The following ITGA10 variants were observed in gnomAD, a reference collection of about 807,000 sequenced individuals.
ITGA10 encodes integrin alpha-10.
Under a neutral mutation model 145.2 loss-of-function variants are expected in ITGA10, and 105 were observed. That is an observed-to-expected ratio of 0.72 (90% CI 0.62 to 0.85). The LOEUF (loss-of-function observed/expected upper bound fraction) is 0.85, where lower values mean the gene tolerates loss of function less well. ITGA10 is among the 40% of genes least tolerant of loss of function. The probability of loss-of-function intolerance (pLI) is 0.00; values close to 1 mark genes in which losing one functional copy is unlikely to be tolerated. For synonymous variants in ITGA10, 506 were observed against 557.8 expected, an observed-to-expected ratio of 0.91 and a Z score of 1.31; for missense variants, 1,317 against 1,444.5, an observed-to-expected ratio of 0.91 and a Z score of 1.43.
chr1:145,899,076 T>G lies in ITGA10; in HGVS notation c.2092A>C (p.Met698Leu). 6.2e-7 allele frequency: 1 copy of G among 1,614,200 alleles called. No individual in the cohort carries two copies. Among genetic ancestry groups the G allele is most frequent in the African/African-American group, 1.3e-5 (1 of 75,052 alleles). The change falls in exon 17 of 30, where the codon ATG becomes CTG. Residue 698 changes from methionine (M) to leucine (L), a missense_variant and splice_region_variant. Met to Leu is a conservative substitution (Grantham distance 15). Coordinates refer to ENST00000369304, the MANE Select transcript of ITGA10 (RefSeq NM_003637.5). The stretch of plus-strand genomic sequence containing the variant: ...TCATCCAGTGATGCGGTGAACCTCA[T>G]GTCTGAATGAAGGAGGCAAGAGTGA... Reference protein sequence around the residue: ...TPGRWDHQFYMRFTASLDEWT... With the variant: ...TPGRWDHQFYLRFTASLDEWT...
In ITGA10 at chr1:145,896,083, C is replaced by T; in HGVS notation, c.2933G>A (p.Gly978Asp). ...GATGAGGCCACTGACCACATAGCAG[C>T]CTAGGTTCTGAACCTAAGAGGAAGG... is the stretch of plus-strand genomic sequence containing the variant. ...FKTTLRVQNL[G>D]CYVVSGLIIS... Residue 978 changes from glycine (G) to aspartate (D), a missense_variant, in exon 25 of 30, where the codon GGC becomes GAC. By Grantham distance (94) the Gly-to-Asp change is moderately conservative. Transcript: ENST00000369304. 6.2e-7 allele frequency: 1 copy of T among 1,614,096 alleles called. No homozygotes were observed. Among genetic ancestry groups the T allele is most frequent in the South Asian group, 1.1e-5 (1 of 91,076 alleles).
In ITGA10 at chr1:145,901,769, G is replaced by A; in HGVS notation, c.1295-105C>T. 4 of 1,551,184 alleles carry A rather than the reference G, an allele frequency of 2.6e-6. No individual in the cohort carries two copies. Among genetic ancestry groups the A allele is most frequent in the South Asian group, 2.4e-5 (2 of 82,078 alleles). The stretch of plus-strand genomic sequence containing the variant: ...GAGGTCCCAAGGGAAGTAACCAGAG[G>A]TCAGTGAGAAACCGCATGAGTTAAG... On this transcript the variant is annotated intron_variant, in intron 11 of 29. Coordinates refer to ENST00000369304, the MANE Select transcript of ITGA10 (RefSeq NM_003637.5). The surrounding 1 kb of genome is among the most constrained non-coding windows in gnomAD (Gnocchi z 4.3).
intron 3 of ITGA10, 72 bp downstream of exon 3, chr1:145,906,969 G>C: frequency 1.6e-6 from 2 of 1,234,432 alleles, no homozygotes; most frequent in South Asian, 2.8e-5. Context: ...AAAAAGCTGA[G>C]GTATAGGGAG....
intron 22 of ITGA10, 23 bp from the exon 23 acceptor site, chr1:145,896,881 C>T: frequency 6.3e-7 from 1 of 1,590,230 alleles, no homozygotes; most frequent in Non-Finnish European, 8.6e-7. Flanking sequence ...AGGGGAGAGG[C>T]TCACATCTCA....
In ITGA10 at chr1:145,893,153, G is replaced by A. The variant is rs1654925711; in HGVS notation, c.3438+8C>T. 1 of 1,588,654 alleles carries A rather than the reference G, an allele frequency of 6.3e-7. No individual in the cohort carries two copies. Among genetic ancestry groups the A allele is most frequent in the Admixed American group, 1.7e-5 (1 of 59,952 alleles). On this transcript the variant is annotated splice_region_variant and intron_variant, in intron 29 of 29. Transcript: ENST00000369304. ...ATGCTCCACACTCCCCACTAAAGCA[G>A]TGCTTACCTTCCACAGGCAGAAGAC...
chr1:145,908,531 C>A (rs1359411514), intron 1 of ITGA10, among the ~76,000 whole-genome samples: 1 of 152,196 alleles, frequency 6.6e-6, no homozygotes, highest in Non-Finnish European at 1.5e-5. Context: ...CCTAGCTAAT[C>A]TTCCCTTTTG....
Position 145,901,057 on chromosome 1 carries a change from A to G in ITGA10, c.1588-64T>C. 1.9e-6 allele frequency: 3 copies of G among 1,613,028 alleles called. No homozygotes were observed. Among genetic ancestry groups the G allele is most frequent in the Non-Finnish European group, 2.5e-6 (3 of 1,179,186 alleles). On this transcript the variant is annotated intron_variant, in intron 13 of 29. Transcript: ENST00000369304. This position sits in a 1 kb window ranked among gnomAD's most constrained non-coding sequence, Gnocchi z 4.3. ...GACCCAACCTCTCAGCAAACCCTCAAATATGTGCACCTTCCCTCCTTTCCT... is the reference window on the plus strand; with the variant it reads ...GACCCAACCTCTCAGCAAACCCTCAGATATGTGCACCTTCCCTCCTTTCCT...
rs1553750187 is a variant in ITGA10 at position 145,904,062 on chromosome 1, T to C, written c.748A>G (p.Met250Val). 1.2e-6 allele frequency: 2 copies of C among 1,613,866 alleles called. No homozygotes were observed. Among genetic ancestry groups the C allele is most frequent in the Admixed American group, 1.7e-5 (1 of 59,994 alleles). ...GRETKTAQAI[M>V]VACTEGFSQS... ...TTCCCAATGCCTCACCAGGCCACCA[T>C]TATTGCTTGGGCAGTCTTTGTTTCT... is the stretch of plus-strand genomic sequence containing the variant. Residue 250 changes from methionine to valine, a missense_variant, in exon 7 of 30, where the codon ATG (methionine) becomes GTG (valine). Physicochemically the swap from Met to Val is conservative, Grantham distance 21. Transcript: ENST00000369304.
chr1:145,896,495 G>A (rs750432120), intron 23 of ITGA10, 143 bp from the exon 24 acceptor site: 1 of 725,974 alleles, frequency 1.4e-6, no homozygotes, highest in Non-Finnish European at 2.5e-6. Flanking sequence ...GAAGACAGAA[G>A]TAGAACATGA....
intron 6 of ITGA10, 110 bp from the exon 7 acceptor site, chr1:145,904,310 C>T (rs1656803765): frequency 9.9e-7 from 1 of 1,005,374 alleles, no homozygotes; most frequent in Non-Finnish European, 1.5e-6. Flanking sequence ...CTACTGAAGA[C>T]AACACCTACA....
chr1:145,899,393 G>C, intron 15 of ITGA10, 52 bp from the exon 16 acceptor site: 1 of 1,583,106 alleles, frequency 6.3e-7, no homozygotes, highest in Non-Finnish European at 8.6e-7. Flanking sequence ...AGCCCTCTGA[G>C]AAGTGCAAGC....
At chr1:145,894,671 CATATTA>C (rs1655138363) in intron 27 of ITGA10, among the ~76,000 whole-genome samples, 1 of 152,194 alleles carries the variant, frequency 6.6e-6, no homozygotes, top group Non-Finnish European at 1.5e-5. Flanking sequence ...CACTACCTGT[CATATTA>C]AGTTCAGTTT....
At chr1:145,909,330 C>T (rs995248872) in intron 1 of ITGA10, among the ~76,000 whole-genome samples, 31 of 150,370 alleles carry the variant, frequency 2.1e-4, no homozygotes, top group African/African-American at 7.1e-4. Context: ...CGTGGTGGCG[C>T]GTACCTAGTA....
intron 17 of ITGA10, 141 bp from the exon 18 acceptor site, chr1:145,898,364 T>A (rs587713664): frequency 1.8e-3 from 481 of 263,344 alleles, no homozygotes; most frequent in Middle Eastern, 5.2e-3. Context: ...TTAGTTAATT[T>A]ATTTATTTAT....
At chr1:145,904,658 G>A in intron 6 of ITGA10, 26 bp downstream of exon 6, 1 of 1,612,814 alleles carries the variant, frequency 6.2e-7, no homozygotes, top group Non-Finnish European at 8.5e-7. Context: ...AAGCAACTGT[G>A]CCCAGCTCAT....
chr1:145,904,292 C>T (rs1656802274), intron 6 of ITGA10, 92 bp from the exon 7 acceptor site: 1 of 1,228,128 alleles, frequency 8.1e-7, no homozygotes, highest in Non-Finnish European at 1.2e-6. Context: ...GAGATGAACA[C>T]CTGGATACTA....
rs782187244 is a variant in ITGA10 at position 145,895,731 on chromosome 1, G to C, written c.3034-20C>G. 43 of 1,612,560 alleles carry C rather than the reference G, an allele frequency of 2.7e-5. No individual in the cohort carries two copies. Among genetic ancestry groups the C allele is most frequent in the Non-Finnish European group, 3.6e-5 (43 of 1,178,772 alleles). The stretch of plus-strand genomic sequence containing the variant: ...GCTTGCCTAGAGGAAGATCCAACTT[G>C]AAAGACCCTCCTGATGGGGTGGCGC... On this transcript the variant is annotated intron_variant, in intron 25 of 29. Transcript: ENST00000369304.
chr1:145,899,262 G>T lies in ITGA10; in HGVS notation c.2002C>A (p.Arg668=), dbSNP rs36073645. The change falls in exon 16 of 30, where the codon CGG becomes AGG. Residue 668 remains arginine (R), a synonymous_variant. Coordinates refer to ENST00000369304, the MANE Select transcript of ITGA10 (RefSeq NM_003637.5). ...AGACAGACTGCCTCTTGGCCTCGCCGCCTACAGTCCCTCTGAACCACACTG... is the reference window on the plus strand; with the variant it reads ...AGACAGACTGCCTCTTGGCCTCGCCTCCTACAGTCCCTCTGAACCACACTG... ...AISVVQRDCR[R]RGQEAVCLTA... 1 of 1,614,044 alleles carries T rather than the reference G, an allele frequency of 6.2e-7. No homozygotes were observed. The highest frequency in any genetic ancestry group is 2.2e-5 in the East Asian group (1 of 44,892).
intron 7 of ITGA10, 87 bp from the exon 8 acceptor site, chr1:145,903,048 CACACACACACACACACACAGGATTTA>C: frequency 2.3e-6 from 2 of 886,430 alleles, no homozygotes; most frequent in Non-Finnish European, 3.3e-6. Context: ...CACACACACA[CACACACACACACACACACAGGATTTA>C]ACATCAGCAC....
Sources: allele counts gnomAD v4.1 joint callset (sites outside exome capture counted in the v4.1 genomes callset), GRCh38; gene constraint gnomAD v4.1.1; non-coding constraint Gnocchi (gnomAD v3.1); transcripts MANE v1.5; gene names NCBI Gene and HGNC (gene_info 2026-07-23, HGNC 2026-07-21).